Variants in GLI2 observed in about 807,000 individuals in gnomAD.
GLI2 encodes transcription activator GLI2.
In GLI2, 22 loss-of-function variants were observed where a neutral mutation model predicts 78.9. The observed-to-expected ratio is 0.28, with a 90% CI of 0.20 to 0.40. GLI2 has a LOEUF of 0.40. Among genes scored for constraint, GLI2 ranks in the 10% least tolerant of loss-of-function variants. GLI2 has a pLI of 1.00. For missense variants in GLI2, 2,097 were observed against 2,213.2 expected (o/e 0.95, Z 1.05); for synonymous variants, 974 against 963.7 (o/e 1.01, Z -0.20).
At chr2:120,740,353 CAA>C (rs1355482186) in intron 1 of GLI2, among the ~76,000 whole-genome samples, 29 of 151,240 alleles carry the variant, frequency 1.9e-4, no homozygotes, top group Admixed American at 1.8e-3. Context: ...AAGATGTGAC[CAA>C]AGAGTACTTA....
At chr2:120,853,520 A>G (rs75995616) in intron 2 of GLI2, among the ~76,000 whole-genome samples, 4,661 of 152,250 alleles carry the variant, frequency 0.031, 231 homozygotes, top group African/African-American at 0.11. Context: ...AAGGGCTGGC[A>G]TGGGATTGCA....
At chr2:120,827,260 AG>A (rs1442508431) in intron 2 of GLI2, among the ~76,000 whole-genome samples, 18 of 152,334 alleles carry the variant, frequency 1.2e-4, no homozygotes, top group African/African-American at 4.1e-4. Flanking sequence ...CTTCTTGCTA[AG>A]TGGTGAGCCC....
chr2:120,803,657 C>T (rs1358178291), intron 2 of GLI2, among the ~76,000 whole-genome samples: 2 of 152,200 alleles, frequency 1.3e-5, no homozygotes, highest in Non-Finnish European at 2.9e-5. Flanking sequence ...CCCGAGTGGG[C>T]TCCTGGCCTC....
At chr2:120,896,988 C>T (rs1331700170) in intron 2 of GLI2, among the ~76,000 whole-genome samples, 1 of 152,192 alleles carries the variant, frequency 6.6e-6, no homozygotes, top group Non-Finnish European at 1.5e-5. Flanking sequence ...CAGTGCTTGC[C>T]TAGGGGCAGG....
At chr2:120,761,739 G>T (rs1683220682) in intron 1 of GLI2, among the ~76,000 whole-genome samples, 1 of 152,156 alleles carries the variant, frequency 6.6e-6, no homozygotes, top group Non-Finnish European at 1.5e-5. Context: ...TGCTGGGAAG[G>T]AGCAGCTTGT....
intron 2 of GLI2, among the ~76,000 whole-genome samples, chr2:120,846,134 C>T (rs1166778914): frequency 6.6e-6 from 1 of 152,174 alleles, no homozygotes; most frequent in Non-Finnish European, 1.5e-5. Context: ...TAGATCTCCC[C>T]CGTCAGTCAT....
At chr2:120,807,658 C>T (rs1685024101) in intron 2 of GLI2, among the ~76,000 whole-genome samples, 1 of 152,172 alleles carries the variant, frequency 6.6e-6, no homozygotes, top group African/African-American at 2.4e-5. Context: ...GCGGGAAGCA[C>T]TGGCAAATGA....
At chr2:120,757,437 A>G (rs891715044) in intron 1 of GLI2, among the ~76,000 whole-genome samples, 3 of 152,190 alleles carry the variant, frequency 2.0e-5, no homozygotes, top group African/African-American at 7.2e-5. Context: ...TTGAGGTAAA[A>G]TCCTTCAGAG....
chr2:120,823,261 G>A (rs780932720), intron 2 of GLI2, among the ~76,000 whole-genome samples: 19 of 152,256 alleles, frequency 1.2e-4, no homozygotes, highest in East Asian at 3.9e-4. Flanking sequence ...AGCTGCCCCC[G>A]GTGTGATATA....
intron 1 of GLI2, among the ~76,000 whole-genome samples, chr2:120,776,956 T>G (rs576087542): frequency 6.6e-6 from 1 of 152,066 alleles, no homozygotes; most frequent in Non-Finnish European, 1.5e-5. Flanking sequence ...AGCTGGGAGC[T>G]CCTGTCTCCA....
At chr2:120,870,944 TG>T (rs1688397379) in intron 2 of GLI2, among the ~76,000 whole-genome samples, 1 of 152,148 alleles carries the variant, frequency 6.6e-6, no homozygotes, top group African/African-American at 2.4e-5. Flanking sequence ...AGATAGGAGC[TG>T]GGTGGGAAGG....
chr2:120,778,231 T>C (rs1372506292), intron 1 of GLI2, among the ~76,000 whole-genome samples: 1 of 152,164 alleles, frequency 6.6e-6, no homozygotes, highest in Non-Finnish European at 1.5e-5. Flanking sequence ...TCGCTCCCGA[T>C]TCTCCTCCCT....
chr2:120,847,010 G>T (rs1047595215), intron 2 of GLI2, among the ~76,000 whole-genome samples: 4 of 151,978 alleles, frequency 2.6e-5, no homozygotes, highest in Non-Finnish European at 5.9e-5. Flanking sequence ...AGCTACTCTG[G>T]TTTAGTCTCC....
At chr2:120,972,344 G>A (rs527432732) in intron 8 of GLI2, among the ~76,000 whole-genome samples, 31 of 152,326 alleles carry the variant, frequency 2.0e-4, no homozygotes, top group Non-Finnish European at 3.8e-4. Context: ...GGCTGCATCT[G>A]TCTCTCTCTC....
intron 9 of GLI2, among the ~76,000 whole-genome samples, chr2:120,975,987 C>T (rs913559663): frequency 2.6e-5 from 4 of 152,114 alleles, no homozygotes; most frequent in Admixed American, 2.6e-4. Context: ...CCTAGCAGCT[C>T]CCTCCTTCCT....
intron 2 of GLI2, among the ~76,000 whole-genome samples, chr2:120,801,552 T>C (rs1262079657): frequency 6.6e-6 from 1 of 152,166 alleles, no homozygotes; most frequent in African/African-American, 2.4e-5. Context: ...CCACTGAAAA[T>C]GTTAATTAAG....
At chr2:120,827,074 C>T (rs1294576427) in intron 2 of GLI2, among the ~76,000 whole-genome samples, 1 of 152,204 alleles carries the variant, frequency 6.6e-6, no homozygotes, top group Non-Finnish European at 1.5e-5. Flanking sequence ...CTGGCACTGC[C>T]CATGCCAGTG....
In GLI2 at chr2:120,735,918, C is replaced by T. The variant is rs1421455620; in HGVS notation, c.-398C>T. 1.3e-5 allele frequency among the ~76,000 whole-genome samples: 2 copies of T among 151,954 alleles called. No homozygotes were observed. Among genetic ancestry groups the T allele is most frequent in the African/African-American group, 4.8e-5 (2 of 41,384 alleles). On this transcript the variant is annotated 5_prime_UTR_variant, in exon 1 of 14. Transcript: ENST00000361492. ...GCTTGCCAGCCGAGGCAGCACGGCTCCGCGGACTTTTTTTCAAACTCCCAT... is the reference window on the plus strand; with the variant it reads ...GCTTGCCAGCCGAGGCAGCACGGCTTCGCGGACTTTTTTTCAAACTCCCAT...
intron 2 of GLI2, among the ~76,000 whole-genome samples, chr2:120,904,522 G>A (rs1291787343): frequency 6.6e-6 from 1 of 152,174 alleles, no homozygotes; most frequent in East Asian, 1.9e-4. Flanking sequence ...TGCAGGACAG[G>A]GTCTGTGTGA....
Sources: allele counts gnomAD v4.1 joint callset (sites outside exome capture counted in the v4.1 genomes callset), GRCh38; gene constraint gnomAD v4.1.1; transcripts MANE v1.5; gene names NCBI Gene and HGNC (gene_info 2026-07-23, HGNC 2026-07-21).